KCNIP1: variants seen among roughly 807,000 people sequenced by gnomAD.
KCNIP1 encodes the protein potassium voltage-gated channel interacting protein 1, also known as A-type potassium channel modulatory protein KCNIP1.
KCNIP1 carries 18 observed loss-of-function variants against 33.0 expected under a neutral mutation model. The observed-to-expected ratio is 0.55, with a 90% CI of 0.38 to 0.81. The LOEUF (loss-of-function observed/expected upper bound fraction) is 0.81. KCNIP1 is among the 30% of genes least tolerant of loss of function. KCNIP1 has a pLI of 0.00. For missense variants in KCNIP1, 238 were observed against 271.6 expected (o/e 0.88, Z 0.87); for synonymous variants, 93 against 98.3 (o/e 0.95, Z 0.32).
intron 1 of KCNIP1, among the ~76,000 whole-genome samples, chr5:170,414,809 T>G (rs1361031584): frequency 6.6e-6 from 1 of 152,224 alleles, no homozygotes; most frequent in Non-Finnish European, 1.5e-5. Context: ...AACTAAAAAT[T>G]CAATGCGTAT....
At chr5:170,415,996 T>C (rs1755319720) in intron 1 of KCNIP1, among the ~76,000 whole-genome samples, 1 of 151,910 alleles carries the variant, frequency 6.6e-6, no homozygotes, top group Non-Finnish European at 1.5e-5. Context: ...GGGAGCGGGA[T>C]TGGAGAAGGG....
At chr5:170,729,563 A>C (rs1764125242) in intron 5 of KCNIP1, among the ~76,000 whole-genome samples, 1 of 152,106 alleles carries the variant, frequency 6.6e-6, no homozygotes, top group African/African-American at 2.4e-5. Context: ...CCAGTCAGAA[A>C]TAGGTGAACA....
At chr5:170,451,160 G>A (rs1170442740) in intron 1 of KCNIP1, among the ~76,000 whole-genome samples, 1 of 152,166 alleles carries the variant, frequency 6.6e-6, no homozygotes, top group Non-Finnish European at 1.5e-5. Context: ...AGACAAAATC[G>A]AGAGCACTTC....
chr5:170,624,727 G>GGT (rs1287768242), intron 1 of KCNIP1, among the ~76,000 whole-genome samples: 9 of 97,440 alleles, frequency 9.2e-5, no homozygotes, highest in East Asian at 5.0e-4. Context: ...AGGAGACCGG[G>GGT]GAGGTGGGGG....
At chr5:170,435,464 T>C (rs905782) in intron 1 of KCNIP1, among the ~76,000 whole-genome samples, 3,858 of 152,284 alleles carry the variant, frequency 0.025, 116 homozygotes, top group Admixed American at 0.085. Flanking sequence ...CCCCCGAGTT[T>C]CCGCCTCCTC....
At chr5:170,642,656 C>A (rs1760616329) in intron 1 of KCNIP1, among the ~76,000 whole-genome samples, 1 of 152,224 alleles carries the variant, frequency 6.6e-6, no homozygotes, top group African/African-American at 2.4e-5. Flanking sequence ...CTTCAAGCAC[C>A]ATCCCACTCT....
chr5:170,687,363 G>A (rs1375199439), intron 1 of KCNIP1, among the ~76,000 whole-genome samples: 1 of 151,932 alleles, frequency 6.6e-6, no homozygotes, highest in African/African-American at 2.4e-5. Context: ...TGTATTTTTG[G>A]TAGAGACAGG....
intron 1 of KCNIP1, among the ~76,000 whole-genome samples, chr5:170,699,171 A>G (rs1022306167): frequency 2.0e-5 from 3 of 152,232 alleles, no homozygotes; most frequent in Non-Finnish European, 2.9e-5. Flanking sequence ...ACACATAAGC[A>G]AAAAAGAACG....
At chr5:170,372,738 T>G (rs931278748) in intron 1 of KCNIP1, among the ~76,000 whole-genome samples, 1 of 152,198 alleles carries the variant, frequency 6.6e-6, no homozygotes, top group African/African-American at 2.4e-5. Flanking sequence ...TGTTTGTATT[T>G]GAACATGCGG....
At chr5:170,367,868 A>G (rs763170679) in intron 1 of KCNIP1, among the ~76,000 whole-genome samples, 14 of 152,230 alleles carry the variant, frequency 9.2e-5, no homozygotes, top group African/African-American at 1.7e-4. Flanking sequence ...CTAGAAATCT[A>G]TTCTAAGCAA....
intron 1 of KCNIP1, among the ~76,000 whole-genome samples, chr5:170,565,151 C>T (rs1291527474): frequency 6.6e-6 from 1 of 152,072 alleles, no homozygotes; most frequent in African/African-American, 2.4e-5. Context: ...ATTCAGGACA[C>T]GTTCTGCTCC....
At chr5:170,718,667 C>A in intron 1 of KCNIP1, 91 bp from the exon 2 acceptor site, 1 of 1,493,220 alleles carries the variant, frequency 6.7e-7, no homozygotes, top group Non-Finnish European at 9.2e-7. Flanking sequence ...GATCCCAGGT[C>A]GTGACACCAC....
At chr5:170,554,639 A>T (rs866806709) in intron 1 of KCNIP1, among the ~76,000 whole-genome samples, 6 of 152,166 alleles carry the variant, frequency 3.9e-5, no homozygotes, top group Admixed American at 2.6e-4. Context: ...GCCAGACTCG[A>T]GGATGTGAGA....
chr5:170,569,116 G>T (rs35459986), intron 1 of KCNIP1, among the ~76,000 whole-genome samples: 84,779 of 151,592 alleles, frequency 0.56, 23,843 homozygotes, highest in East Asian at 0.64. Context: ...CCCTTTTCCA[G>T]TAACCATGGC....
intron 1 of KCNIP1, among the ~76,000 whole-genome samples, chr5:170,521,288 T>C (rs1322112923): frequency 6.6e-6 from 1 of 152,234 alleles, no homozygotes; most frequent in Non-Finnish European, 1.5e-5. Flanking sequence ...TCACTACCAG[T>C]TGAACATAGT....
intron 1 of KCNIP1, among the ~76,000 whole-genome samples, chr5:170,578,408 A>G (rs1471884639): frequency 6.6e-6 from 1 of 152,190 alleles, no homozygotes; most frequent in Non-Finnish European, 1.5e-5. Context: ...GCCTGAGTGT[A>G]TCCAAAGAGC....
At chr5:170,472,539 A>G (rs1756756596) in intron 1 of KCNIP1, among the ~76,000 whole-genome samples, 2 of 152,134 alleles carry the variant, frequency 1.3e-5, no homozygotes, top group African/African-American at 4.8e-5. Context: ...CCCAAGCAGT[A>G]TACACTGCAC....
chr5:170,669,122 A>G (rs772195483), intron 1 of KCNIP1, among the ~76,000 whole-genome samples: 14 of 152,146 alleles, frequency 9.2e-5, no homozygotes, highest in Admixed American at 2.6e-4. Context: ...GGGTCTCTCT[A>G]GCACCTAGCA....
chr5:170,386,233 A>T (rs1221597133), intron 1 of KCNIP1, among the ~76,000 whole-genome samples: 8 of 152,212 alleles, frequency 5.3e-5, no homozygotes, highest in Non-Finnish European at 8.8e-5. Flanking sequence ...ATAAGAGGGA[A>T]GTGAAGGGAG....
Sources: gnomAD v4.1 joint callset for allele counts (sites outside exome capture counted in the v4.1 genomes callset) on GRCh38, gnomAD v4.1.1 for gene constraint, MANE v1.5 for transcripts, NCBI Gene and HGNC (gene_info 2026-07-23, HGNC 2026-07-21) for gene names.